JAKMIP2: variants seen among roughly 807,000 people sequenced by gnomAD.
JAKMIP2 encodes janus kinase and microtubule interacting protein 2.
A neutral mutation model predicts 115.0 loss-of-function variants in JAKMIP2; 25 were observed. The ratio of observed to expected loss-of-function variants is 0.22; its 90% confidence interval spans 0.16 to 0.30. The LOEUF is 0.30. Among genes scored for constraint, JAKMIP2 ranks in the 10% least tolerant of loss-of-function variants. JAKMIP2 has a pLI of 1.00. For synonymous variants in JAKMIP2, 334 were observed against 343.6 expected, an observed-to-expected ratio of 0.97 and a Z score of 0.31; for missense variants, 642 against 957.6, an observed-to-expected ratio of 0.67 and a Z score of 4.35.
chr5:147,595,910 T>C (rs565591436), intron 21 of JAKMIP2, among the ~76,000 whole-genome samples: 137 of 152,336 alleles, frequency 9.0e-4, no homozygotes, highest in African/African-American at 3.2e-3. Flanking sequence ...TATTTATATA[T>C]ATATTTCCCC....
At chr5:147,617,415 C>T (rs1274516155) in intron 19 of JAKMIP2, among the ~76,000 whole-genome samples, 1 of 152,152 alleles carries the variant, frequency 6.6e-6, no homozygotes, top group Non-Finnish European at 1.5e-5. Context: ...AAGTAGAGTC[C>T]TTAGTTTAGT....
chr5:147,697,975 C>A (rs185830323), intron 1 of JAKMIP2, among the ~76,000 whole-genome samples: 289 of 152,314 alleles, frequency 1.9e-3, no homozygotes, highest in African/African-American at 6.5e-3. Context: ...GGTAGAGCCA[C>A]CAACAGCTTG....
chr5:147,675,359 A>C (rs1364006939), intron 1 of JAKMIP2, among the ~76,000 whole-genome samples: 1 of 151,896 alleles, frequency 6.6e-6, no homozygotes, highest in Non-Finnish European at 1.5e-5. Flanking sequence ...GGTCCTATAC[A>C]CCCCTCTGGT....
intron 3 of JAKMIP2, among the ~76,000 whole-genome samples, chr5:147,650,877 A>C (rs1041471146): frequency 1.3e-5 from 2 of 152,212 alleles, no homozygotes; most frequent in African/African-American, 4.8e-5. Flanking sequence ...TTTAATAAAG[A>C]TGAACATTAA....
chr5:147,671,222 A>G (rs959998415), intron 2 of JAKMIP2, among the ~76,000 whole-genome samples: 7 of 152,196 alleles, frequency 4.6e-5, no homozygotes, highest in Non-Finnish European at 7.3e-5. Context: ...GTGGTAGAGA[A>G]AGTCCTTTGA....
At chr5:147,684,794 G>T (rs538275153) in intron 1 of JAKMIP2, among the ~76,000 whole-genome samples, 1 of 152,264 alleles carries the variant, frequency 6.6e-6, no homozygotes, top group East Asian at 1.9e-4. Flanking sequence ...CAGAGCAGAA[G>T]GGAAGAGAAA....
chr5:147,648,880 AT>A (rs930359810), intron 4 of JAKMIP2, among the ~76,000 whole-genome samples: 2 of 152,200 alleles, frequency 1.3e-5, no homozygotes, highest in Non-Finnish European at 2.9e-5. Context: ...CTGTCCTGGT[AT>A]TACCATTAGC....
At chr5:147,765,580 G>A (rs968729451) in intron 1 of JAKMIP2, among the ~76,000 whole-genome samples, 2 of 152,088 alleles carry the variant, frequency 1.3e-5, no homozygotes, top group Admixed American at 1.3e-4. Flanking sequence ...AAAAATATGA[G>A]GCTCACTTTC....
chr5:147,772,875 C>G (rs770389406), intron 1 of JAKMIP2, among the ~76,000 whole-genome samples: 27 of 152,012 alleles, frequency 1.8e-4, no homozygotes, highest in Admixed American at 1.2e-3. Context: ...ACTTCACCAG[C>G]CTGCTGTGAG....
At position 147,661,101 on chromosome 5, in the gene JAKMIP2, G is replaced by A; in HGVS notation, c.474C>T (p.Asp158=). The change falls in exon 3 of 22, where the codon GAC becomes GAT. Residue 158 remains aspartate, a synonymous_variant. Transcript: ENST00000616793. ...ERLKLLQEIA[D]LKTAKKQVDE... Reference sequence around the variant, plus strand: ...CCACCTGCTTCTTGGCCGTTTTCAGGTCCGCAATTTCCTGTAAGAGCTTAA... The same window carrying A: ...CCACCTGCTTCTTGGCCGTTTTCAGATCCGCAATTTCCTGTAAGAGCTTAA... 6.2e-7 allele frequency: 1 copy of A among 1,613,976 alleles called. No individual in the cohort carries two copies. The highest frequency in any genetic ancestry group is 1.3e-5 in the African/African-American group (1 of 74,950).
intron 1 of JAKMIP2, among the ~76,000 whole-genome samples, chr5:147,752,225 T>C (rs1754584584): frequency 6.6e-6 from 1 of 152,102 alleles, no homozygotes; most frequent in African/African-American, 2.4e-5. Flanking sequence ...GTCAAGGGAA[T>C]TACCTCGTTT....
chr5:147,723,769 C>G (rs1368120249), intron 1 of JAKMIP2, among the ~76,000 whole-genome samples: 1 of 152,130 alleles, frequency 6.6e-6, no homozygotes, highest in Admixed American at 6.5e-5. Flanking sequence ...TTAAAAAGTA[C>G]TCATTCTGTC....
chr5:147,660,652 T>C (rs746174351), intron 3 of JAKMIP2: 13 of 395,756 alleles, frequency 3.3e-5, no homozygotes, highest in Non-Finnish European at 5.7e-5. Context: ...GTCCTTTCCA[T>C]ATATATGGTC....
At chr5:147,767,894 T>C (rs1183719675) in intron 1 of JAKMIP2, among the ~76,000 whole-genome samples, 1 of 152,170 alleles carries the variant, frequency 6.6e-6, no homozygotes, top group Non-Finnish European at 1.5e-5. Flanking sequence ...ATGCTGAAAT[T>C]GAGCACAGCA....
chr5:147,707,805 G>A lies in JAKMIP2; in HGVS notation c.-148-35851C>T, dbSNP rs533481417. On this transcript the variant is annotated intron_variant, in intron 1 of 21. Coordinates refer to ENST00000616793, the MANE Select transcript of JAKMIP2 (RefSeq NM_001270941.2). The stretch of plus-strand genomic sequence containing the variant: ...TGAGATCAGCAATAGTAAGTACAGA[G>A]TCTTCTTAGCAAAATGAGTTGAAAT... 1.3e-5 allele frequency among the ~76,000 whole-genome samples: 2 copies of A among 152,296 alleles called. 1 individual carries two copies. The highest frequency in any genetic ancestry group is 4.8e-5 in the African/African-American group (2 of 41,570).
rs757836208 is a variant in JAKMIP2, at chr5:147,661,374, C to T, written c.201G>A (p.Thr67=). ...RIRELEQRKH[T]VLVTELKAKL... is the part of the protein sequence containing the mutation. ...TGGCTTTGAGTTCTGTCACCAGCAC[C>T]GTGTGCTTGCGCTGCTCCAGCTCAC... is the stretch of plus-strand genomic sequence containing the variant. The change falls in exon 3 of 22, where the codon ACG becomes ACA. Residue 67 remains threonine (T), a synonymous_variant. Transcript: ENST00000616793. The T allele has an allele frequency of 1.2e-6, 2 of 1,613,884 alleles. No individual in the cohort carries two copies. Among genetic ancestry groups the T allele is most frequent in the African/African-American group, 1.3e-5 (1 of 74,852 alleles).
Position 147,601,766 on chromosome 5 carries a change from G to T in JAKMIP2, c.2458C>A (p.Pro820Thr). 1 of 1,525,016 alleles carries T rather than the reference G, an allele frequency of 6.6e-7. No homozygotes were observed. The highest frequency in any genetic ancestry group is 8.8e-7 in the Non-Finnish European group (1 of 1,130,672). The allele number at this position is 1,525,016 out of a possible 1,614,324, so 94.5% of individuals were successfully genotyped here. ...CTTTAAGAGGCACCTTGACATCAAG[G>T]CCATAGAATAAAGGCAAGAGAGAAG... is the stretch of plus-strand genomic sequence containing the variant. ...LFFSLAFILW[P>T] The change falls in exon 21 of 22, where the codon CCT becomes ACT. Residue 820 changes from proline (P) to threonine (T), a missense_variant. Physicochemically the swap from Pro to Thr is conservative, Grantham distance 38. Transcript: ENST00000616793.
chr5:147,658,560 T>C (rs184326791), intron 3 of JAKMIP2, among the ~76,000 whole-genome samples: 52 of 152,294 alleles, frequency 3.4e-4, no homozygotes, highest in African/African-American at 1.2e-3. Context: ...GAATCTCCCT[T>C]GTCAGGATCA....
At chr5:147,641,202 C>A (rs1431179181) in intron 8 of JAKMIP2, among the ~76,000 whole-genome samples, 1 of 152,080 alleles carries the variant, frequency 6.6e-6, no homozygotes, top group Non-Finnish European at 1.5e-5. Context: ...GCCTTGTCAT[C>A]CAAGTCCACA....
Sources: allele counts gnomAD v4.1 joint callset (sites outside exome capture counted in the v4.1 genomes callset), GRCh38; gene constraint gnomAD v4.1.1; transcripts MANE v1.5; gene names NCBI Gene and HGNC (gene_info 2026-07-23, HGNC 2026-07-21).